Variants in AUTS2 observed in about 807,000 individuals in gnomAD.
AUTS2 encodes autism susceptibility gene 2 protein.
AUTS2 carries 17 observed loss-of-function variants against 112.4 expected under a neutral mutation model. The ratio of observed to expected loss-of-function variants is 0.15; its 90% confidence interval spans 0.10 to 0.23. AUTS2 has a LOEUF of 0.23. Among genes scored for constraint, AUTS2 ranks in the 10% least tolerant of loss-of-function variants. The pLI, the probability that AUTS2 is intolerant of heterozygous loss-of-function variation, is 1.00. For synonymous variants in AUTS2, 751 were observed against 702.7 expected, an observed-to-expected ratio of 1.07 and a Z score of -1.09; for missense variants, 1,510 against 1,701.6, an observed-to-expected ratio of 0.89 and a Z score of 1.98.
chr7:70,124,752 G>A (rs1014287391), intron 3 of AUTS2, among the ~76,000 whole-genome samples: 4 of 151,994 alleles, frequency 2.6e-5, no homozygotes, highest in East Asian at 1.9e-4. Context: ...TAGTAGAGAC[G>A]ATGTTTTACC....
intron 1 of AUTS2, among the ~76,000 whole-genome samples, chr7:69,767,119 A>G (rs1018962103): frequency 2.0e-5 from 3 of 152,098 alleles, no homozygotes; most frequent in South Asian, 2.1e-4. Context: ...GGATCCTTCT[A>G]TACTCCATTG....
intron 2 of AUTS2, among the ~76,000 whole-genome samples, chr7:70,030,013 A>G (rs1800703392): frequency 1.3e-5 from 2 of 152,208 alleles, no homozygotes; most frequent in Non-Finnish European, 2.9e-5. Context: ...ATGTCTTCTC[A>G]TTAGGTATAA....
chr7:69,763,826 C>T (rs1228017994), intron 1 of AUTS2, among the ~76,000 whole-genome samples: 1 of 152,154 alleles, frequency 6.6e-6, no homozygotes, highest in Non-Finnish European at 1.5e-5. Context: ...CTCATGTTCT[C>T]CTTAACTATA....
At chr7:70,228,820 T>C (rs567550026) in intron 4 of AUTS2, among the ~76,000 whole-genome samples, 120 of 152,108 alleles carry the variant, frequency 7.9e-4, no homozygotes, top group African/African-American at 2.7e-3. Context: ...TATTGCTTTG[T>C]ATAACCTATG....
At chr7:70,166,086 T>G (rs755167512) in intron 4 of AUTS2, among the ~76,000 whole-genome samples, 4 of 152,156 alleles carry the variant, frequency 2.6e-5, no homozygotes, top group Non-Finnish European at 4.4e-5. Context: ...TGATTATAAG[T>G]TTCCTGAGGC....
At chr7:70,491,627 T>TGTGTA (rs1562990316) in intron 5 of AUTS2, among the ~76,000 whole-genome samples, 3 of 134,170 alleles carry the variant, frequency 2.2e-5, no homozygotes, top group African/African-American at 8.6e-5. Context: ...GTGTGTGTAT[T>TGTGTA]TTTTTGAGAC....
Position 69,762,579 on chromosome 7 carries a change from G to T in AUTS2, c.310-136707G>T, listed in dbSNP as rs1006844819. Among the ~76,000 whole-genome samples, 4 of 151,874 alleles carry T rather than the reference G, an allele frequency of 2.6e-5. No individual in the cohort carries two copies. The South Asian group carries it at 8.3e-4, about 32-fold the overall frequency. ...CCGCTTCGGCCTCCCAAAGTGCTGG[G>T]ATTTCAGGTGCGAGCCATTATGCCT... On this transcript the variant is annotated intron_variant, in intron 1 of 18. Coordinates refer to ENST00000342771, the MANE Select transcript of AUTS2 (RefSeq NM_015570.4).
At chr7:70,215,826 T>C (rs961290073) in intron 4 of AUTS2, among the ~76,000 whole-genome samples, 7 of 152,194 alleles carry the variant, frequency 4.6e-5, no homozygotes, top group African/African-American at 1.7e-4. Context: ...AGGTCAGAGG[T>C]CATAAGCTCA....
At chr7:70,256,220 A>ATT (rs1786862344) in intron 4 of AUTS2, among the ~76,000 whole-genome samples, 1 of 152,166 alleles carries the variant, frequency 6.6e-6, no homozygotes, top group African/African-American at 2.4e-5. Flanking sequence ...ATGTTTCTGT[A>ATT]AAGAGCATTT....
At chr7:69,615,034 T>A (rs760581485) in intron 1 of AUTS2, among the ~76,000 whole-genome samples, 2 of 152,216 alleles carry the variant, frequency 1.3e-5, no homozygotes, top group Non-Finnish European at 2.9e-5. Flanking sequence ...TTAAAGGTGA[T>A]CTTTTATGCT....
chr7:70,004,511 A>G (rs376502947), intron 2 of AUTS2, among the ~76,000 whole-genome samples: 1 of 149,064 alleles, frequency 6.7e-6, no homozygotes, highest in Non-Finnish European at 1.5e-5. Flanking sequence ...CTAATAAACT[A>G]GAAGGAACTA....
intron 4 of AUTS2, among the ~76,000 whole-genome samples, chr7:70,418,599 G>C (rs1018486692): frequency 2.0e-5 from 3 of 152,104 alleles, no homozygotes; most frequent in African/African-American, 7.2e-5. Flanking sequence ...AGAGAAATCC[G>C]ATCTGAAAAC....
At chr7:70,182,668 C>G (rs1268090885) in intron 4 of AUTS2, among the ~76,000 whole-genome samples, 2 of 151,936 alleles carry the variant, frequency 1.3e-5, no homozygotes, top group East Asian at 1.9e-4. Flanking sequence ...TTCTGACTCT[C>G]AATAAGTGCT....
intron 1 of AUTS2, among the ~76,000 whole-genome samples, chr7:69,625,144 G>C: frequency 6.6e-6 from 1 of 152,188 alleles, no homozygotes; most frequent in East Asian, 1.9e-4. Context: ...TTGCTTTGGG[G>C]TTGTGGGACC....
At chr7:69,853,441 T>C (rs539627803) in intron 1 of AUTS2, among the ~76,000 whole-genome samples, 17 of 152,326 alleles carry the variant, frequency 1.1e-4, no homozygotes, top group African/African-American at 3.8e-4. Context: ...TTCATGTAGG[T>C]ACTCCTGTTT....
Position 70,340,840 on chromosome 7 carries a change from G to A in AUTS2, c.661-94912G>A, listed in dbSNP as rs1791231848. Reference sequence around the variant, plus strand: ...ATGCAGGATTTTGGCGCCTGCCAAGGGGACTGCAAATTCTTTTTGGAAAAA... The same window carrying A: ...ATGCAGGATTTTGGCGCCTGCCAAGAGGACTGCAAATTCTTTTTGGAAAAA... On this transcript the variant is annotated intron_variant, in intron 4 of 18. Coordinates refer to ENST00000342771, the MANE Select transcript of AUTS2 (RefSeq NM_015570.4). 3.3e-5 allele frequency among the ~76,000 whole-genome samples: 5 copies of A among 152,214 alleles called. No individual in the cohort carries two copies. The South Asian group carries it at 1.0e-3, about 32-fold the overall frequency.
chr7:69,863,323 T>C (rs1466496118), intron 1 of AUTS2, among the ~76,000 whole-genome samples: 1 of 152,188 alleles, frequency 6.6e-6, no homozygotes, highest in Non-Finnish European at 1.5e-5. Flanking sequence ...ATGTAAGTAA[T>C]GTACAGATGA....
chr7:70,320,831 G>A (rs771327388), intron 4 of AUTS2, among the ~76,000 whole-genome samples: 11 of 152,184 alleles, frequency 7.2e-5, no homozygotes, highest in Non-Finnish European at 1.0e-4. Context: ...GAGGCTGTGC[G>A]TTGATGGTTC....
At chr7:69,777,245 T>G (rs187927203) in intron 1 of AUTS2, among the ~76,000 whole-genome samples, 14 of 152,256 alleles carry the variant, frequency 9.2e-5, no homozygotes, top group African/African-American at 3.4e-4. Context: ...CTCCTAACCC[T>G]TACCTTCTCC....
Sources: gnomAD v4.1 joint callset for allele counts (sites outside exome capture counted in the v4.1 genomes callset) on GRCh38, gnomAD v4.1.1 for gene constraint, MANE v1.5 for transcripts, NCBI Gene and HGNC (gene_info 2026-07-23, HGNC 2026-07-21) for gene names.